Variants in KCNH1 observed in about 807,000 individuals in gnomAD.
The protein encoded by KCNH1 is voltage-gated delayed rectifier potassium channel KCNH1.
KCNH1 carries 27 observed loss-of-function variants against 69.2 expected under a neutral mutation model. That is an observed-to-expected ratio of 0.39 (90% CI 0.29 to 0.54). The LOEUF (loss-of-function observed/expected upper bound fraction) is 0.54. Among genes scored for constraint, KCNH1 ranks in the 20% least tolerant of loss-of-function variants. KCNH1 has a pLI of 0.68. For synonymous variants in KCNH1, 456 were observed against 487.7 expected (o/e 0.93, Z 0.86); for missense variants, 798 against 1,261.6 (o/e 0.63, Z 5.57).
intron 5 of KCNH1, among the ~76,000 whole-genome samples, chr1:211,038,102 G>A (rs374235067): frequency 1.1e-4 from 16 of 151,868 alleles, no homozygotes; most frequent in East Asian, 1.9e-4. Flanking sequence ...TGGGGCTACC[G>A]GCACCCACCA....
At position 211,024,871 on chromosome 1, in the gene KCNH1, G is replaced by C. The variant is rs1365781783; in HGVS notation, c.559-5615C>G. 3.9e-5 allele frequency among the ~76,000 whole-genome samples: 6 copies of C among 151,916 alleles called. No homozygotes were observed. In the East Asian group the frequency reaches 1.2e-3, roughly 29 times the overall value. ...TTCCATGAGCCCAGCATGCTGGCTG[G>C]TCCAAAGTAGGCACTACAGGACTGT... is the stretch of plus-strand genomic sequence containing the variant. On this transcript the variant is annotated intron_variant, in intron 5 of 10. Coordinates refer to ENST00000271751, the MANE Select transcript of KCNH1 (RefSeq NM_172362.3).
chr1:210,897,768 G>A (rs1431634701), intron 7 of KCNH1, among the ~76,000 whole-genome samples: 3 of 152,152 alleles, frequency 2.0e-5, no homozygotes, highest in Non-Finnish European at 4.4e-5. Context: ...ACCAACCTTC[G>A]GACAGCTTCT....
intron 5 of KCNH1, among the ~76,000 whole-genome samples, chr1:211,035,674 A>G (rs1689884148): frequency 6.6e-6 from 1 of 152,150 alleles, no homozygotes; most frequent in Non-Finnish European, 1.5e-5. Context: ...TACATATTTC[A>G]CCCTGATATA....
chr1:211,005,323 C>A (rs1029245600), intron 6 of KCNH1, among the ~76,000 whole-genome samples: 28 of 152,150 alleles, frequency 1.8e-4, no homozygotes, highest in Admixed American at 9.2e-4. Context: ...TTGGTGAATT[C>A]TTCTAAATAT....
At chr1:210,848,296 A>T (rs1685605181) in intron 7 of KCNH1, among the ~76,000 whole-genome samples, 1 of 152,234 alleles carries the variant, frequency 6.6e-6, no homozygotes, top group Admixed American at 6.5e-5. Flanking sequence ...TGGGTACGTG[A>T]ACCATTGAAA....
chr1:210,837,207 T>G (rs2102448197), intron 7 of KCNH1, among the ~76,000 whole-genome samples: 1 of 152,260 alleles, frequency 6.6e-6, no homozygotes, highest in East Asian at 1.9e-4. Flanking sequence ...CTAACTCCCT[T>G]CATTCCTGGA....
At chr1:210,920,095 G>A in intron 6 of KCNH1, 26 bp from the exon 7 acceptor site, 1 of 1,601,398 alleles carries the variant, frequency 6.2e-7, no homozygotes. Context: ...CACAGCGTCA[G>A]GGCCAAAGAA....
At chr1:210,707,239 C>T (rs756485859) in intron 10 of KCNH1, among the ~76,000 whole-genome samples, 1 of 151,976 alleles carries the variant, frequency 6.6e-6, no homozygotes, top group Non-Finnish European at 1.5e-5. Flanking sequence ...TGCACGGGAC[C>T]CCCTACCCTG....
chr1:211,085,404 T>A (rs1369289468), intron 4 of KCNH1, among the ~76,000 whole-genome samples: 1 of 151,652 alleles, frequency 6.6e-6, no homozygotes, highest in East Asian at 1.9e-4. Flanking sequence ...CTGAAGGACT[T>A]TAAATTTGGT....
intron 7 of KCNH1, among the ~76,000 whole-genome samples, chr1:210,896,326 T>A (rs1686866012): frequency 6.6e-6 from 1 of 152,044 alleles, no homozygotes; most frequent in African/African-American, 2.4e-5. Context: ...GACAAACCCC[T>A]ACCATCAAAA....
At chr1:210,812,285 T>C (rs1684719840) in intron 7 of KCNH1, among the ~76,000 whole-genome samples, 1 of 152,168 alleles carries the variant, frequency 6.6e-6, no homozygotes, top group African/African-American at 2.4e-5. Context: ...TTTCTAAATA[T>C]AGACTTTAAC....
At chr1:210,698,864 A>G (rs74381924) in intron 10 of KCNH1, among the ~76,000 whole-genome samples, 1 of 152,202 alleles carries the variant, frequency 6.6e-6, no homozygotes, top group Non-Finnish European at 1.5e-5. Context: ...CCTGCCTGCC[A>G]TCCAGCCTGC....
chr1:211,106,542 G>A (rs111874713), intron 2 of KCNH1, among the ~76,000 whole-genome samples: 1,612 of 152,054 alleles, frequency 0.011, 20 homozygotes, highest in African/African-American at 0.037. Context: ...CCAGCACTTT[G>A]GGAGGCCAAG....
chr1:210,806,822 A>ATATATATATATATATATATATAT (rs1553346543), intron 7 of KCNH1, among the ~76,000 whole-genome samples: 13 of 42,092 alleles, frequency 3.1e-4, no homozygotes, highest in South Asian at 2.9e-3. Context: ...AAAAAAAAAA[A>ATATATATATATATATATATATAT]AAAAAAAAAA....
rs566301528 is a variant in KCNH1, at chr1:210,678,392, G to A, written c.*4889C>T. On this transcript the variant is annotated 3_prime_UTR_variant, in exon 11 of 11. Coordinates refer to ENST00000271751, the MANE Select transcript of KCNH1 (RefSeq NM_172362.3). ...ATATCATTTGTGCTTGTTTAAAAAT[G>A]TTGAGAAGGGAATATCATCAATGGA... 1 of 152,018 alleles carries A rather than the reference G, an allele frequency of 6.6e-6. No individual in the cohort carries two copies. Among genetic ancestry groups the A allele is most frequent in the African/African-American group, 2.4e-5 (1 of 41,458 alleles). The allele number at this position is 152,018 out of a possible 1,614,324, so 9.4% of individuals were successfully genotyped here.
At chr1:211,025,833 T>G (rs918479850) in intron 5 of KCNH1, among the ~76,000 whole-genome samples, 1 of 152,134 alleles carries the variant, frequency 6.6e-6, no homozygotes, top group Non-Finnish European at 1.5e-5. Context: ...AGATCAATTG[T>G]GTCTTAGAAT....
chr1:210,731,625 A>T (rs1216531033), intron 10 of KCNH1, among the ~76,000 whole-genome samples: 2 of 152,236 alleles, frequency 1.3e-5, no homozygotes, highest in African/African-American at 2.4e-5. Flanking sequence ...GAAATGCCAC[A>T]AGCCCTTTGA....
chr1:210,778,973 A>C (rs1683918657), intron 9 of KCNH1, among the ~76,000 whole-genome samples: 2 of 152,104 alleles, frequency 1.3e-5, no homozygotes. Context: ...AATTCAGTTT[A>C]TAAGCAACTC....
chr1:210,763,985 A>C (rs1683571839), intron 10 of KCNH1, among the ~76,000 whole-genome samples: 1 of 152,226 alleles, frequency 6.6e-6, no homozygotes, highest in Non-Finnish European at 1.5e-5. Context: ...ACGAGGTTAC[A>C]GTAACAAAAA....
Sources: gnomAD v4.1 joint callset for allele counts (sites outside exome capture counted in the v4.1 genomes callset) on GRCh38, gnomAD v4.1.1 for gene constraint, MANE v1.5 for transcripts, NCBI Gene and HGNC (gene_info 2026-07-23, HGNC 2026-07-21) for gene names.